The following SORD variants were observed in gnomAD, a reference collection of about 807,000 sequenced individuals.
The protein encoded by SORD is sorbitol dehydrogenase, also known as (R,R)-butanediol dehydrogenase.
In SORD, 18 loss-of-function variants were observed where a neutral mutation model predicts 35.6. That is an observed-to-expected ratio of 0.51 (90% CI 0.35 to 0.75). SORD has a LOEUF of 0.75. Among genes scored for constraint, SORD ranks in the 30% least tolerant of loss-of-function variants. The pLI, the probability that SORD is intolerant of heterozygous loss-of-function variation, is 0.01. For missense variants in SORD, 250 were observed against 390.2 expected (o/e 0.64, Z 3.03); for synonymous variants, 106 against 152.9 (o/e 0.69, Z 2.26).
At chr15:45,027,851 C>G (rs575232315) in intron 1 of SORD, among the ~76,000 whole-genome samples, 1 of 152,168 alleles carries the variant, frequency 6.6e-6, no homozygotes, top group Admixed American at 6.5e-5. Flanking sequence ...AGGGTTCACT[C>G]GAATGGTAAG....
chr15:45,024,417 C>T lies in SORD; in HGVS notation c.66+1068C>T, dbSNP rs28629183. ...GACTGCTCAAGGACTCCCTTTAAGC[C>T]GCTCTAAGCCCCTCTATAGAACCCT... On this transcript the variant is annotated intron_variant, in intron 1 of 8. Coordinates refer to ENST00000267814, the MANE Select transcript of SORD (RefSeq NM_003104.6). 8.6e-3 allele frequency among the ~76,000 whole-genome samples: 1,313 copies of T among 152,278 alleles called. 11 individuals carry two copies. Among genetic ancestry groups the T allele is most frequent in the Middle Eastern group, 0.017 (5 of 294 alleles).
intron 3 of SORD, among the ~76,000 whole-genome samples, chr15:45,053,739 A>G (rs1301331016): frequency 6.7e-6 from 1 of 149,180 alleles, no homozygotes; most frequent in African/African-American, 2.5e-5. Flanking sequence ...GGTGTGCTGC[A>G]CCCATTAACT....
At position 45,040,392 on chromosome 15, in the gene SORD, A is replaced by C. The variant is rs557479832; in HGVS notation, c.67-16A>C. The C allele has an allele frequency of 4.9e-5, 71 of 1,455,582 alleles. No homozygotes were observed. The highest frequency in any genetic ancestry group is 6.7e-5 in the Non-Finnish European group (70 of 1,040,990). 90.2% of individuals were successfully genotyped at this position (1,455,582 alleles called of 1,614,324 possible). ...TTATGCATGCTAAATGATTTTTTCA[A>C]TTTTGTTTCTTTTAGGAGAACTATC... On this transcript the variant is annotated splice_polypyrimidine_tract_variant and intron_variant, in intron 1 of 8. Transcript: ENST00000267814.
In SORD at chr15:45,035,708, A is replaced by G. The variant is rs552764019; in HGVS notation, c.67-4700A>G. On this transcript the variant is annotated intron_variant, in intron 1 of 8. Transcript: ENST00000267814. ...GCTACTGCTCACTCTTTGGGTACACACTGCCTTTATGAGCTGTAACACTCA... is the reference window on the plus strand; with the variant it reads ...GCTACTGCTCACTCTTTGGGTACACGCTGCCTTTATGAGCTGTAACACTCA... Among the ~76,000 whole-genome samples, 12 of 152,274 alleles carry G rather than the reference A, an allele frequency of 7.9e-5. 1 individual carries two copies. In the South Asian group the frequency reaches 8.3e-4, roughly 11 times the overall value.
At position 45,061,186 on chromosome 15, in the gene SORD, C is replaced by T. The variant is rs749182528; in HGVS notation, c.385C>T (p.Leu129Phe). The change falls in exon 4 of 9, where the codon CTC becomes TTC. Residue 129 changes from leucine to phenylalanine, a missense_variant. Transcript: ENST00000267814. Reference protein sequence around the residue: ...FCATPPDDGNLCRFYKHNAAF... With the variant: ...FCATPPDDGNFCRFYKHNAAF... ...TGCCACGCCCCCCGATGACGGGAAC[C>T]TCTGCCGGTTCTATAAGCACAATGC... 5.6e-6 allele frequency: 9 copies of T among 1,614,228 alleles called. No individual in the cohort carries two copies. Among genetic ancestry groups the T allele is most frequent in the South Asian group, 2.2e-5 (2 of 91,080 alleles).
chr15:45,070,680 C>T (rs1295400184), intron 7 of SORD: 1 of 152,256 alleles, frequency 6.6e-6, no homozygotes, highest in Admixed American at 6.5e-5. Flanking sequence ...CTACCATGTG[C>T]CAGGCTTTGT....
chr15:45,048,604 A>T (rs1378353876), intron 3 of SORD, among the ~76,000 whole-genome samples: 1 of 152,176 alleles, frequency 6.6e-6, no homozygotes, highest in Non-Finnish European at 1.5e-5. Context: ...GGTGGCATGC[A>T]CCTATAGTCC....
At chr15:45,044,252 G>A (rs1389675486) in intron 3 of SORD, among the ~76,000 whole-genome samples, 1 of 152,128 alleles carries the variant, frequency 6.6e-6, no homozygotes, top group Non-Finnish European at 1.5e-5. Context: ...CTGATGATTG[G>A]TTCTCACCTG....
At chr15:45,061,317 C>T in intron 4 of SORD, 91 bp downstream of exon 4, 1 of 1,406,736 alleles carries the variant, frequency 7.1e-7, no homozygotes, top group South Asian at 1.2e-5. Context: ...TTATTCTTTT[C>T]AGCTCATAAT....
intron 3 of SORD, among the ~76,000 whole-genome samples, chr15:45,060,366 T>A (rs976576718): frequency 5.3e-5 from 8 of 152,094 alleles, no homozygotes; most frequent in African/African-American, 1.9e-4. Flanking sequence ...ATAGAAAAAA[T>A]AACAATTAGA....
intron 1 of SORD, 25 bp downstream of exon 1, chr15:45,023,374 G>T: frequency 6.5e-7 from 1 of 1,540,532 alleles, no homozygotes; most frequent in Non-Finnish European, 8.7e-7. Context: ...AGGGTGGGAA[G>T]CATACCGATC....
At chr15:45,024,179 C>T (rs1056802165) in intron 1 of SORD, among the ~76,000 whole-genome samples, 11 of 152,328 alleles carry the variant, frequency 7.2e-5, no homozygotes, top group Admixed American at 4.6e-4. Flanking sequence ...GACAAAGTCC[C>T]TCTCAGATGG....
intron 1 of SORD, among the ~76,000 whole-genome samples, chr15:45,027,812 G>A (rs1017864929): frequency 3.3e-3 from 504 of 152,188 alleles, no homozygotes; most frequent in African/African-American, 0.012. Flanking sequence ...TTGGTGGTGG[G>A]GGTGGTGGGA....
intron 3 of SORD, among the ~76,000 whole-genome samples, chr15:45,044,131 A>G (rs1353330163): frequency 1.1e-4 from 16 of 152,342 alleles, no homozygotes; most frequent in African/African-American, 3.4e-4. Flanking sequence ...GCAGTCAGGC[A>G]TGTGTCTTGT....
At chr15:45,027,350 T>C (rs1892691945) in intron 1 of SORD, among the ~76,000 whole-genome samples, 2 of 152,276 alleles carry the variant, frequency 1.3e-5, no homozygotes, top group Admixed American at 1.3e-4. Context: ...CTGCTAGTTG[T>C]ATGACTCAAC....
At chr15:45,030,712 AT>A (rs1213331012) in intron 1 of SORD, among the ~76,000 whole-genome samples, 1 of 152,234 alleles carries the variant, frequency 6.6e-6, no homozygotes, top group Admixed American at 6.5e-5. Context: ...ATTTTAATAT[AT>A]TTATCCCTGA....
At chr15:45,070,402 G>A (rs1893491567) in intron 7 of SORD, 1 of 152,228 alleles carries the variant, frequency 6.6e-6, no homozygotes, top group Admixed American at 6.5e-5. Flanking sequence ...TCTAGGGAAG[G>A]CTGACCCACC....
chr15:45,024,831 T>C (rs1892644314), intron 1 of SORD, among the ~76,000 whole-genome samples: 1 of 151,868 alleles, frequency 6.6e-6, no homozygotes, highest in African/African-American at 2.4e-5. Flanking sequence ...ACAGATAAAG[T>C]CAACAATTAT....
At chr15:45,037,656 A>G (rs1469272740) in intron 1 of SORD, among the ~76,000 whole-genome samples, 4 of 152,198 alleles carry the variant, frequency 2.6e-5, no homozygotes, top group Non-Finnish European at 5.9e-5. Flanking sequence ...TTTCAGGGAC[A>G]TGGATGAAGC....
Sources: allele counts gnomAD v4.1 joint callset (sites outside exome capture counted in the v4.1 genomes callset), GRCh38; gene constraint gnomAD v4.1.1; transcripts MANE v1.5; gene names NCBI Gene and HGNC (gene_info 2026-07-23, HGNC 2026-07-21).